KAT2B: variants seen among roughly 807,000 people sequenced by gnomAD.
KAT2B encodes the protein histone acetyltransferase KAT2B.
KAT2B carries 36 observed loss-of-function variants against 105.9 expected under a neutral mutation model. The ratio of observed to expected loss-of-function variants is 0.34; its 90% CI spans 0.26 to 0.45. The LOEUF (loss-of-function observed/expected upper bound fraction) is 0.45. KAT2B is among the 20% of genes least tolerant of loss of function. The probability of loss-of-function intolerance (pLI) is 1.00; values close to 1 mark genes in which losing one functional copy is unlikely to be tolerated. For missense variants in KAT2B, 820 were observed against 1,021.6 expected (o/e 0.80, Z 2.69); for synonymous variants, 397 against 377.9 (o/e 1.05, Z -0.59).
intron 1 of KAT2B, among the ~76,000 whole-genome samples, chr3:20,054,910 A>G (rs548821095): frequency 2.7e-4 from 41 of 152,344 alleles, no homozygotes; most frequent in African/African-American, 8.4e-4. Context: ...TCTCTGCTAC[A>G]TGTGCAAAAG....
intron 5 of KAT2B, among the ~76,000 whole-genome samples, chr3:20,105,816 A>G (rs868509119): frequency 7.9e-5 from 12 of 151,108 alleles, no homozygotes; most frequent in South Asian, 4.2e-4. Context: ...AAAAAAAAAA[A>G]AAGAAGAAGA....
At chr3:20,095,529 TG>T (rs758645515) in intron 3 of KAT2B, 121 bp downstream of exon 3, 89 of 620,666 alleles carry the variant, frequency 1.4e-4, no homozygotes, top group Admixed American at 4.9e-4. Context: ...CAGAGTTTGC[TG>T]AACAATACGT....
At position 20,146,319 on chromosome 3, in the gene KAT2B, A is replaced by G; in HGVS notation, c.2008A>G (p.Ile670Val). Residue 670 changes from isoleucine (I) to valine (V), a missense_variant, in exon 14 of 18, where the codon ATT becomes GTT. Physicochemically the swap from Ile to Val is conservative, Grantham distance 29 (BLOSUM62 3). Around this residue, in one of 6 missense-constraint regions of KAT2B, gnomAD observed 227 missense variants for 292.9 expected, o/e 0.77. Transcript: ENST00000263754. Reference sequence around the variant, plus strand: ...ATTTCCTTCCTGTGCTTTACAGATAATTAAAAAACTGATTGAAAGAAAACA... The same window carrying G: ...ATTTCCTTCCTGTGCTTTACAGATAGTTAAAAAACTGATTGAAAGAAAACA... The part of the protein sequence containing the change: ...SVIIKKQKEI[I>V]KKLIERKQAQ... The G allele has an allele frequency of 6.3e-7, 1 of 1,579,604 alleles. No homozygotes were observed. The highest frequency in any genetic ancestry group is 1.7e-5 in the Admixed American group (1 of 59,952).
rs1029110192 is a variant in KAT2B, at chr3:20,053,405, CAT to C, written c.303+12626_303+12627del. ...CAAAAATTAGCTGGGCATGGTGGCA[CAT>C]GTCTGTAGTCCTAGCTACTCAGGAG... On this transcript the variant is annotated intron_variant, in intron 1 of 17. Coordinates refer to ENST00000263754, the MANE Select transcript of KAT2B (RefSeq NM_003884.5). Among the ~76,000 whole-genome samples, 99 of 152,210 alleles carry C rather than the reference CAT, an allele frequency of 6.5e-4. 2 individuals carry two copies. The highest frequency in any genetic ancestry group is 2.3e-3 in the African/African-American group (97 of 41,534).
At chr3:20,135,075 A>G (rs1699577812) in intron 11 of KAT2B, among the ~76,000 whole-genome samples, 1 of 152,188 alleles carries the variant, frequency 6.6e-6, no homozygotes, top group Non-Finnish European at 1.5e-5. Flanking sequence ...ACATGTGTTT[A>G]TATGTTTATC....
intron 2 of KAT2B, among the ~76,000 whole-genome samples, chr3:20,091,568 G>A (rs1698718831): frequency 6.6e-6 from 1 of 151,848 alleles, no homozygotes; most frequent in Admixed American, 6.6e-5. Flanking sequence ...CTAGTTCTTT[G>A]AGGTGTAACA....
intron 8 of KAT2B, among the ~76,000 whole-genome samples, chr3:20,121,700 C>T (rs1300462208): frequency 7.3e-6 from 1 of 136,420 alleles, no homozygotes; most frequent in South Asian, 2.5e-4. Context: ...GCTATATATA[C>T]ATAATATATA....
intron 5 of KAT2B, among the ~76,000 whole-genome samples, chr3:20,107,007 A>G (rs1362980613): frequency 1.6e-4 from 4 of 25,230 alleles, no homozygotes; most frequent in Non-Finnish European, 1.9e-4. Context: ...ATATATATAT[A>G]TATATATATT....
rs1396887244 is a variant in KAT2B at position 20,154,105 on chromosome 3, T to C, written c.*1580T>C. 1 of 152,644 alleles carries C rather than the reference T, an allele frequency of 6.6e-6. No individual in the cohort carries two copies. The highest frequency in any genetic ancestry group is 2.4e-5 in the African/African-American group (1 of 41,470). 9.5% of individuals were successfully genotyped at this position (152,644 alleles called of 1,614,324 possible). A position where few individuals can be genotyped will look rare whatever the true frequency, so the allele number is the denominator to read the frequency against. On this transcript the variant is annotated 3_prime_UTR_variant, in exon 18 of 18. Transcript: ENST00000263754. ...CTTGGACTGGTTTTAAACAGTGCTT[T>C]GTACCGGATCTGCTGAAGCATCTGT...
At position 20,127,409 on chromosome 3, in the gene KAT2B, T is replaced by A; in HGVS notation, c.1623-14T>A. On this transcript the variant is annotated splice_polypyrimidine_tract_variant and intron_variant, in intron 10 of 17. Coordinates refer to ENST00000263754, the MANE Select transcript of KAT2B (RefSeq NM_003884.5). ...TAGGATAGGTAAAACTTTGACATAA[T>A]CTTATTCTTTCAGGAAACACAAAAC... is the stretch of plus-strand genomic sequence containing the variant. 1 of 1,610,516 alleles carries A rather than the reference T, an allele frequency of 6.2e-7. No individual in the cohort carries two copies.
chr3:20,146,994 G>A (rs1158095882), intron 14 of KAT2B, among the ~76,000 whole-genome samples: 1 of 152,204 alleles, frequency 6.6e-6, no homozygotes, highest in Non-Finnish European at 1.5e-5. Flanking sequence ...CTATTTTACA[G>A]TAGTTTTCCT....
At chr3:20,073,739 C>T (rs77670027) in intron 2 of KAT2B, among the ~76,000 whole-genome samples, 4 of 150,556 alleles carry the variant, frequency 2.7e-5, no homozygotes, top group African/African-American at 4.9e-5. Context: ...TAAAACAGAA[C>T]GAAACAAAAC....
chr3:20,072,584 G>A, intron 2 of KAT2B, 125 bp downstream of exon 2: 1 of 871,144 alleles, frequency 1.1e-6, no homozygotes, highest in South Asian at 1.5e-5. Context: ...GCAACAACAA[G>A]AGCCTCTCTA....
Position 20,087,943 on chromosome 3 carries a change from T to TA in KAT2B, c.431-7311dup, listed in dbSNP as rs201828177. ...ATCTGAGCCACCATACCTAGCTAAT[T>TA]AAAAAAAAATTTTTTTTTGTAGAGA... On this transcript the variant is annotated intron_variant, in intron 2 of 17. Transcript: ENST00000263754. Among the ~76,000 whole-genome samples the TA allele has an allele frequency of 4.4e-3, 555 of 125,638 alleles. 6 individuals are homozygous for TA. Among genetic ancestry groups the TA allele is most frequent in the African/African-American group, 0.02 (516 of 26,102 alleles). 82.4% of individuals were successfully genotyped at this position (125,638 alleles called of 152,430 possible). A position where few individuals can be genotyped will look rare whatever the true frequency, so the allele number is the denominator to read the frequency against.
intron 1 of KAT2B, among the ~76,000 whole-genome samples, chr3:20,054,055 C>T (rs1405803068): frequency 6.6e-6 from 1 of 152,188 alleles, no homozygotes; most frequent in African/African-American, 2.4e-5. Flanking sequence ...TCCTCGGCCT[C>T]CCAAAGTGCT....
intron 5 of KAT2B, among the ~76,000 whole-genome samples, chr3:20,102,550 A>G (rs759516127): frequency 1.3e-5 from 2 of 152,188 alleles, no homozygotes; most frequent in African/African-American, 2.4e-5. Flanking sequence ...CCATTTCTCT[A>G]TTGCTGGACA....
At chr3:20,066,619 G>A (rs1402015691) in intron 1 of KAT2B, among the ~76,000 whole-genome samples, 1 of 151,346 alleles carries the variant, frequency 6.6e-6, no homozygotes, top group Non-Finnish European at 1.5e-5. Context: ...GGCTGGTCTC[G>A]AACTCCTGAC....
chr3:20,135,600 C>T (rs1369348608), intron 11 of KAT2B, among the ~76,000 whole-genome samples: 1 of 151,502 alleles, frequency 6.6e-6, no homozygotes, highest in Non-Finnish European at 1.5e-5. Flanking sequence ...CTTGCAGTGA[C>T]CCGAGATCGT....
intron 2 of KAT2B, among the ~76,000 whole-genome samples, chr3:20,079,481 G>A (rs1305322952): frequency 6.6e-6 from 1 of 152,254 alleles, no homozygotes; most frequent in African/African-American, 2.4e-5. Flanking sequence ...TGGGATTACA[G>A]GCGTGAGCCA....
Sources: gnomAD v4.1 joint callset for allele counts (sites outside exome capture counted in the v4.1 genomes callset) on GRCh38, gnomAD v4.1.1 for gene constraint, gnomAD v4.1.1 regional missense constraint, MANE v1.5 for transcripts, NCBI Gene and HGNC (gene_info 2026-07-23, HGNC 2026-07-21) for gene names.